Variants in SLC35D4 observed in about 807,000 individuals in gnomAD.
SLC35D4 encodes the protein solute carrier family 35 member D4.
At chr18:23,314,178 C>T in the SLC35D4 span, among the ~76,000 whole-genome samples, 5 of 152,236 alleles carry the variant, frequency 3.3e-5, no homozygotes, top group African/African-American at 4.8e-5. Context: ...CTTGGACACA[C>T]CTTGGAGTGA....
At chr18:23,419,274 C>G in the SLC35D4 span, among the ~76,000 whole-genome samples, 2 of 151,864 alleles carry the variant, frequency 1.3e-5, no homozygotes, top group Admixed American at 6.6e-5. Flanking sequence ...ATGTCATGGT[C>G]TTTAAAATTT....
At chr18:23,349,055 C>T in the SLC35D4 span, among the ~76,000 whole-genome samples, 1 of 152,160 alleles carries the variant, frequency 6.6e-6, no homozygotes. Context: ...CACTGTTGTT[C>T]CCCCATATAT....
At chr18:23,252,010 C>G in the SLC35D4 span, among the ~76,000 whole-genome samples, 2 of 148,814 alleles carry the variant, frequency 1.3e-5, no homozygotes, top group Non-Finnish European at 3.0e-5. Flanking sequence ...CGCTTGAACC[C>G]GGGAGGCGGA....
the SLC35D4 span, among the ~76,000 whole-genome samples, chr18:23,382,031 A>G: frequency 1.3e-5 from 2 of 152,114 alleles, no homozygotes; most frequent in Non-Finnish European, 2.9e-5. Context: ...TGAGGTCAGG[A>G]GTTCAAGACC....
the SLC35D4 span, among the ~76,000 whole-genome samples, chr18:23,354,662 C>T: frequency 6.6e-6 from 1 of 152,168 alleles, no homozygotes; most frequent in African/African-American, 2.4e-5. Flanking sequence ...GCCTGCCCAA[C>T]CTCCCAGACT....
the SLC35D4 span, chr18:23,310,137 C>T: frequency 1.2e-6 from 1 of 853,376 alleles, no homozygotes; most frequent in South Asian, 5.4e-5. Flanking sequence ...CAGATGTGCT[C>T]ATTAACCTGT....
At chr18:23,262,275 G>T in the SLC35D4 span, among the ~76,000 whole-genome samples, 1 of 152,194 alleles carries the variant, frequency 6.6e-6, no homozygotes, top group Non-Finnish European at 1.5e-5. Flanking sequence ...CTAACATATT[G>T]GTCCCAAGTA....
At chr18:23,277,160 C>T in the SLC35D4 span, among the ~76,000 whole-genome samples, 1 of 152,180 alleles carries the variant, frequency 6.6e-6, no homozygotes, top group Non-Finnish European at 1.5e-5. Flanking sequence ...TGTGTCCCCA[C>T]CCAAATCTCA....
the SLC35D4 span, among the ~76,000 whole-genome samples, chr18:23,243,872 C>CA: frequency 9.7e-3 from 1,065 of 109,840 alleles, 6 homozygotes; most frequent in Non-Finnish European, 0.016. Flanking sequence ...GACTCCGTTT[C>CA]AAAAAAAAAA....
the SLC35D4 span, among the ~76,000 whole-genome samples, chr18:23,283,619 G>C: frequency 1.1e-4 from 17 of 151,898 alleles, no homozygotes; most frequent in African/African-American, 4.1e-4. Flanking sequence ...AGTCCAGTCC[G>C]ACCAACCTGG....
At chr18:23,245,668 C>T in the SLC35D4 span, among the ~76,000 whole-genome samples, 3 of 152,222 alleles carry the variant, frequency 2.0e-5, no homozygotes, top group South Asian at 4.1e-4. Context: ...CAGGGCAGGC[C>T]AGGCAGGGCC....
At chr18:23,245,611 G>A in the SLC35D4 span, among the ~76,000 whole-genome samples, 8 of 152,058 alleles carry the variant, frequency 5.3e-5, no homozygotes, top group African/African-American at 1.9e-4. Context: ...TGTTATCTCA[G>A]AAGGAATTTG....
the SLC35D4 span, among the ~76,000 whole-genome samples, chr18:23,423,427 T>C: frequency 6.6e-6 from 1 of 152,194 alleles, no homozygotes; most frequent in Admixed American, 6.5e-5. Flanking sequence ...AAATGTTTGG[T>C]TGTTACAACC....
At chr18:23,397,823 C>T in the SLC35D4 span, among the ~76,000 whole-genome samples, 26 of 152,218 alleles carry the variant, frequency 1.7e-4, no homozygotes, top group Admixed American at 1.6e-3. Flanking sequence ...GAGGCTGAGG[C>T]GGCAGGATTG....
chr18:23,284,268 T>G, the SLC35D4 span, among the ~76,000 whole-genome samples: 1 of 152,178 alleles, frequency 6.6e-6, no homozygotes, highest in Non-Finnish European at 1.5e-5. Flanking sequence ...CTCCTGGGAA[T>G]GTACCCAGTA....
the SLC35D4 span, among the ~76,000 whole-genome samples, chr18:23,351,137 T>G: frequency 6.6e-6 from 1 of 152,210 alleles, no homozygotes; most frequent in Non-Finnish European, 1.5e-5. Flanking sequence ...CCGAGCACAG[T>G]GGCTCACACC....
chr18:23,246,846 C>T, the SLC35D4 span, among the ~76,000 whole-genome samples: 1 of 152,020 alleles, frequency 6.6e-6, no homozygotes, highest in African/African-American at 2.4e-5. Context: ...GCATGCACCA[C>T]CACGCCCAGC....
chr18:23,386,173 C>T, the SLC35D4 span, among the ~76,000 whole-genome samples: 1 of 145,534 alleles, frequency 6.9e-6, no homozygotes, highest in African/African-American at 2.5e-5. Flanking sequence ...CCCTAAAAGA[C>T]ATCCACATTC....
At chr18:23,313,589 T>C in the SLC35D4 span, among the ~76,000 whole-genome samples, 1 of 152,166 alleles carries the variant, frequency 6.6e-6, no homozygotes, top group South Asian at 2.1e-4. Flanking sequence ...ACTTCCTGCC[T>C]AGCCCTTGAA....
Sources: allele counts gnomAD v4.1 joint callset (sites outside exome capture counted in the v4.1 genomes callset), GRCh38; gene constraint gnomAD v4.1.1; transcripts MANE v1.5; gene names NCBI Gene and HGNC (gene_info 2026-07-23, HGNC 2026-07-21).